The following HACE1 variants were observed in gnomAD, a reference collection of about 807,000 sequenced individuals.
The protein encoded by HACE1 is HECT domain and ankyrin repeat containing E3 ubiquitin protein ligase 1.
In HACE1, 73 loss-of-function variants were observed where a neutral mutation model predicts 118.4. The ratio of observed to expected loss-of-function variants is 0.62; its 90% CI spans 0.51 to 0.75. HACE1 has a LOEUF of 0.75. Among genes scored for constraint, HACE1 ranks in the 30% least tolerant of loss-of-function variants. The probability of loss-of-function intolerance (pLI) is 0.00; values close to 1 mark genes in which losing one functional copy is unlikely to be tolerated. For missense variants in HACE1, 749 were observed against 1,102.2 expected, an observed-to-expected ratio of 0.68 and a Z score of 4.54; for synonymous variants, 368 against 374.8, an observed-to-expected ratio of 0.98 and a Z score of 0.21.
intron 20 of HACE1, among the ~76,000 whole-genome samples, chr6:104,745,720 C>T (rs758141431): frequency 1.6e-4 from 25 of 152,082 alleles, no homozygotes; most frequent in Admixed American, 5.2e-4. Context: ...GGATTACAGG[C>T]GTGAACCACC....
At chr6:104,771,046 G>C (rs2114707348) in intron 19 of HACE1, 147 bp downstream of exon 19, 1 of 634,488 alleles carries the variant, frequency 1.6e-6, no homozygotes, top group Middle Eastern at 2.6e-4. Context: ...TTTAACATTT[G>C]ATTGTTTTAT....
chr6:104,825,738 C>T (rs892430889), intron 6 of HACE1, among the ~76,000 whole-genome samples: 1 of 152,206 alleles, frequency 6.6e-6, no homozygotes, highest in Admixed American at 6.5e-5. Context: ...CCTTGAGCAG[C>T]TGCTGGGGCC....
chr6:104,802,544 C>T (rs1468154761), intron 7 of HACE1, among the ~76,000 whole-genome samples: 2 of 152,202 alleles, frequency 1.3e-5, no homozygotes, highest in Non-Finnish European at 2.9e-5. Context: ...CAAACTAGAA[C>T]TCAGGATTAA....
chr6:104,855,429 C>T (rs139318534), intron 1 of HACE1, among the ~76,000 whole-genome samples: 67 of 150,996 alleles, frequency 4.4e-4, no homozygotes, highest in African/African-American at 1.6e-3. Flanking sequence ...GGCAACAGAG[C>T]GAGACTCCAT....
At chr6:104,772,936 A>T (rs528855830) in intron 17 of HACE1, among the ~76,000 whole-genome samples, 110 of 152,080 alleles carry the variant, frequency 7.2e-4, no homozygotes, top group Non-Finnish European at 1.3e-3. Flanking sequence ...ATAGTGGCCG[A>T]TGGTTGCACA....
intron 10 of HACE1, among the ~76,000 whole-genome samples, chr6:104,794,339 A>T (rs1366056775): frequency 3.3e-5 from 5 of 152,228 alleles, no homozygotes; most frequent in African/African-American, 9.6e-5. Context: ...AGAAAAAATA[A>T]GTTTTCTAAT....
At chr6:104,741,070 T>A (rs1448248980) in intron 22 of HACE1, among the ~76,000 whole-genome samples, 2 of 112,384 alleles carry the variant, frequency 1.8e-5, no homozygotes, top group Admixed American at 8.8e-5. Context: ...CACATGATTA[T>A]CTCAATAGAT....
Position 104,729,502 on chromosome 6 carries a change from G to T in HACE1, c.*160C>A. The T allele has an allele frequency of 1.6e-6, 1 of 642,708 alleles. No homozygotes were observed. Among genetic ancestry groups the T allele is most frequent in the Non-Finnish European group, 2.8e-6 (1 of 357,140 alleles). The allele number at this position is 642,708 out of a possible 1,614,324, so 39.8% of individuals were successfully genotyped here. A position where few individuals can be genotyped will look rare whatever the true frequency, so the allele number is the denominator to read the frequency against. ...ATCACAAACAGAGAAAACATAAAAG[G>T]GAAAAGAGAGAAACAGAAAACCTGA... On this transcript the variant is annotated 3_prime_UTR_variant, in exon 24 of 24. Coordinates refer to ENST00000262903, the MANE Select transcript of HACE1 (RefSeq NM_020771.4).
intron 13 of HACE1, 31 bp from the exon 14 acceptor site, chr6:104,784,204 AG>A: frequency 8.4e-7 from 1 of 1,196,568 alleles, no homozygotes; most frequent in Non-Finnish European, 1.3e-6. Context: ...TTAAATGGAC[AG>A]GAAGAATGAG....
chr6:104,802,313 C>T (rs1437211833), intron 7 of HACE1, among the ~76,000 whole-genome samples: 2 of 152,158 alleles, frequency 1.3e-5, no homozygotes, highest in African/African-American at 4.8e-5. Flanking sequence ...ATCAACATGA[C>T]AGAAGGCTAA....
At chr6:104,730,611 C>A (rs1368972297) in intron 22 of HACE1, 195 bp from the exon 23 acceptor site, 3 of 568,254 alleles carry the variant, frequency 5.3e-6, no homozygotes, top group Non-Finnish European at 6.4e-6. Context: ...ATGGAGACAC[C>A]CCTCCACATT....
chr6:104,784,313 C>A (rs1582452275), intron 13 of HACE1, 104 bp downstream of exon 13: 1 of 906,990 alleles, frequency 1.1e-6, no homozygotes, highest in East Asian at 2.4e-5. Context: ...TGTTATTGAG[C>A]ATATTTTGAA....
Position 104,843,398 on chromosome 6 carries a change from G to A in HACE1, c.327-100C>T, listed in dbSNP as rs528011624. On this transcript the variant is annotated intron_variant, in intron 4 of 23. Transcript: ENST00000262903. ...TTAGCAACAATCAATAACAGCTGAT[G>A]ACATCATAACATCTTTATCTGTAAT... The A allele has an allele frequency of 7.6e-5, 57 of 746,988 alleles. 1 individual carries two copies. In the South Asian group the frequency reaches 7.7e-4, roughly 10 times the overall value. The allele number at this position is 746,988 out of a possible 1,614,324, so 46.3% of individuals were successfully genotyped here.
At chr6:104,806,398 G>A (rs1412611532) in intron 7 of HACE1, among the ~76,000 whole-genome samples, 2 of 152,174 alleles carry the variant, frequency 1.3e-5, no homozygotes, top group African/African-American at 4.8e-5. Context: ...GGAGTTGGAG[G>A]TTGCAGTGAG....
chr6:104,772,740 C>T (rs572802230), intron 17 of HACE1, among the ~76,000 whole-genome samples: 1 of 152,094 alleles, frequency 6.6e-6, no homozygotes, highest in African/African-American at 2.4e-5. Context: ...AATAAGTTAC[C>T]AATTACTATG....
chr6:104,826,156 T>C (rs1773306642), intron 6 of HACE1, among the ~76,000 whole-genome samples: 1 of 152,216 alleles, frequency 6.6e-6, no homozygotes, highest in Admixed American at 6.5e-5. Flanking sequence ...AACAGTTTCA[T>C]CCCAAAACCA....
chr6:104,797,562 A>T (rs1769809376), intron 7 of HACE1, among the ~76,000 whole-genome samples: 1 of 152,174 alleles, frequency 6.6e-6, no homozygotes, highest in African/African-American at 2.4e-5. Flanking sequence ...GAAAAAGGGA[A>T]CATGAAGTGG....
chr6:104,788,324 T>TA (rs1162485852), intron 11 of HACE1, among the ~76,000 whole-genome samples: 1 of 152,110 alleles, frequency 6.6e-6, no homozygotes, highest in Non-Finnish European at 1.5e-5. Context: ...GAGTGATCCT[T>TA]ACTGAAGAAT....
rs765359328 is a variant in HACE1 at position 104,785,189 on chromosome 6, G to C, written c.1205C>G (p.Ala402Gly). 2 of 1,613,882 alleles carry C rather than the reference G, an allele frequency of 1.2e-6. No homozygotes were observed. The highest frequency in any genetic ancestry group is 2.2e-5 in the East Asian group (1 of 44,874). Residue 402 changes from alanine (A) to glycine (G), a missense_variant, in exon 12 of 24, where the codon GCT becomes GGT. Ala to Gly is a moderately conservative substitution (Grantham distance 60, BLOSUM62 0). Around this residue, in one of 5 missense-constraint regions of HACE1, gnomAD observed 267 missense variants for 312.2 expected, o/e 0.86. Transcript: ENST00000262903. ...AGGTTCAAATGGAGGAATGGAAGCA[G>C]CATCTTGATCTTGGCCTTTTTGTTT... The part of the protein sequence containing the change: ...LLKQKGQDQD[A>G]ASIPPFEPPG...
Sources: allele counts gnomAD v4.1 joint callset (sites outside exome capture counted in the v4.1 genomes callset), GRCh38; gene constraint gnomAD v4.1.1; regional missense constraint gnomAD v4.1.1; transcripts MANE v1.5; gene names NCBI Gene and HGNC (gene_info 2026-07-23, HGNC 2026-07-21).